CENPE: variants seen among roughly 807,000 people sequenced by gnomAD.
CENPE encodes the protein centromere-associated protein E.
Under a neutral mutation model 336.1 loss-of-function variants are expected in CENPE, and 145 were observed. The observed-to-expected ratio is 0.43, with a 90% CI of 0.38 to 0.50. CENPE has a LOEUF of 0.50. CENPE is among the 20% of genes least tolerant of loss of function. CENPE has a pLI of 0.00. For synonymous variants in CENPE, 1,013 were observed against 984.8 expected (o/e 1.03, Z -0.54); for missense variants, 2,719 against 3,023.3 (o/e 0.90, Z 2.36).
At chr4:103,173,661 T>C (rs974264751) in intron 16 of CENPE, among the ~76,000 whole-genome samples, 3 of 111,618 alleles carry the variant, frequency 2.7e-5, no homozygotes, top group Non-Finnish European at 6.5e-5. Flanking sequence ...ATCCAAAATA[T>C]ATAAGAAACT....
intron 16 of CENPE, among the ~76,000 whole-genome samples, chr4:103,169,620 TA>T (rs923897377): frequency 6.6e-6 from 1 of 151,940 alleles, no homozygotes; most frequent in South Asian, 2.1e-4. Flanking sequence ...CCAGGATCAT[TA>T]AAAAGTCAGG....
rs1014908276 is a variant in CENPE at position 103,141,118 on chromosome 4, T to C, written c.5464-14A>G. On this transcript the variant is annotated splice_polypyrimidine_tract_variant and intron_variant, in intron 35 of 48. Coordinates refer to ENST00000265148, the MANE Select transcript of CENPE (RefSeq NM_001813.3). ...AAGTTCTTGAATCTTAAGATAATCA[T>C]AAAATAATATGTTAGGTGGCTTTTT... 11 of 1,442,406 alleles carry C rather than the reference T, an allele frequency of 7.6e-6. No individual in the cohort carries two copies. In the African/African-American group the frequency reaches 1.0e-4, roughly 13 times the overall value. The allele number at this position is 1,442,406 out of a possible 1,614,324, so 89.4% of individuals were successfully genotyped here. A position where few individuals can be genotyped will look rare whatever the true frequency, so the allele number is the denominator to read the frequency against.
Position 103,158,781 on chromosome 4 carries a change from G to T in CENPE, c.2707C>A (p.Leu903Met). ...KEQLENRDST[L>M]QTVEREKTLI... is the part of the protein sequence containing the mutation. ...GTTTTCTCCCTTTCTACAGTTTGCA[G>T]CGTAGAATCTCTATTTTCTAATTGT... Residue 903 changes from leucine to methionine, a missense_variant, in exon 23 of 49, where the codon CTG (leucine) becomes ATG (methionine). Transcript: ENST00000265148. The T allele has an allele frequency of 6.2e-7, 1 of 1,613,076 alleles. No homozygotes were observed. The highest frequency in any genetic ancestry group is 1.1e-5 in the South Asian group (1 of 91,040).
intron 8 of CENPE, among the ~76,000 whole-genome samples, chr4:103,190,311 C>T (rs1317954546): frequency 6.6e-6 from 1 of 152,068 alleles, no homozygotes; most frequent in Non-Finnish European, 1.5e-5. Flanking sequence ...TCATATGGAA[C>T]CAAAAAAGAG....
intron 13 of CENPE, among the ~76,000 whole-genome samples, chr4:103,179,369 A>C (rs866169735): frequency 6.6e-6 from 1 of 152,198 alleles, no homozygotes; most frequent in South Asian, 2.1e-4. Context: ...AGGAGGTTTA[A>C]AACGCCCCTG....
intron 24 of CENPE, 101 bp downstream of exon 24, chr4:103,158,199 G>T: frequency 2.4e-6 from 2 of 827,458 alleles, no homozygotes; most frequent in Non-Finnish European, 3.5e-6. Flanking sequence ...TATTACCATT[G>T]TGAGTAACAA....
intron 16 of CENPE, among the ~76,000 whole-genome samples, chr4:103,173,166 G>C (rs1422665218): frequency 6.6e-6 from 1 of 151,712 alleles, no homozygotes; most frequent in East Asian, 1.9e-4. Context: ...ACAGACAACA[G>C]GCCAATAGAA....
chr4:103,115,939 G>A (rs1429316965), intron 45 of CENPE, among the ~76,000 whole-genome samples: 1 of 151,952 alleles, frequency 6.6e-6, no homozygotes, highest in Non-Finnish European at 1.5e-5. Flanking sequence ...CACCGTGTTA[G>A]CCAGGATGGT....
At position 103,195,247 on chromosome 4, in the gene CENPE, A is replaced by G. The variant is rs746396248; in HGVS notation, c.358-14T>C. The G allele has an allele frequency of 2.6e-6, 4 of 1,564,196 alleles. No homozygotes were observed. The East Asian group carries it at 9.2e-5, about 36-fold the overall frequency. On this transcript the variant is annotated splice_polypyrimidine_tract_variant and intron_variant, in intron 4 of 48. Coordinates refer to ENST00000265148, the MANE Select transcript of CENPE (RefSeq NM_001813.3). ...CCTATCAGGAAACTAGAAGAAAAAA[A>G]ATTATATAAAAACACCAGGAAGCAT...
intron 34 of CENPE, 73 bp downstream of exon 34, chr4:103,143,175 T>G (rs1752714693): frequency 1.9e-6 from 2 of 1,061,948 alleles, no homozygotes; most frequent in Non-Finnish European, 2.7e-6. Context: ...TTAGGGTAAT[T>G]CATATCTTGT....
chr4:103,158,672 T>C lies in CENPE; in HGVS notation c.2816A>G (p.Glu939Gly). ...QEKDDLKQLQESLQIERDQLK... is the reference protein window; with the variant it reads ...QEKDDLKQLQGSLQIERDQLK... The stretch of plus-strand genomic sequence containing the variant: ...TTGGTCCCTCTCAATTTGCAAGCTT[T>C]CTTGGAGTTGTTTTAGATCATCTTT... The change falls in exon 23 of 49, where the codon GAA becomes GGA. Residue 939 changes from glutamate (E) to glycine (G), a missense_variant. Around this residue, in one of 5 missense-constraint regions of CENPE, gnomAD observed 2,437 missense variants for 2,513.3 expected, o/e 0.97. Transcript: ENST00000265148. 6.2e-7 allele frequency: 1 copy of C among 1,611,702 alleles called. No homozygotes were observed. Among genetic ancestry groups the C allele is most frequent in the Non-Finnish European group, 8.5e-7 (1 of 1,179,128 alleles).
intron 17 of CENPE, 58 bp downstream of exon 17, chr4:103,163,421 G>A: frequency 3.0e-6 from 4 of 1,321,088 alleles, no homozygotes; most frequent in Non-Finnish European, 4.3e-6. Context: ...AGTTACATAT[G>A]TTGCATGTTT....
chr4:103,196,808 A>T lies in CENPE; in HGVS notation c.99T>A (p.Thr33=). ...CAACTTGATAAATGACATTATTGTC[A>T]GTTTTCCAGTAAACTTGGGCAGTTT... ...LGETAQVYWK[T]DNNVIYQVDG... Residue 33 remains threonine (T), a synonymous_variant, in exon 2 of 49, where the codon ACT becomes ACA. Coordinates refer to ENST00000265148, the MANE Select transcript of CENPE (RefSeq NM_001813.3). 6.2e-7 allele frequency: 1 copy of T among 1,601,060 alleles called. No homozygotes were observed. The highest frequency in any genetic ancestry group is 8.5e-7 in the Non-Finnish European group (1 of 1,169,892).
chr4:103,150,616 A>G lies in CENPE; in HGVS notation c.3396+603T>C, dbSNP rs1753463545. Among the ~76,000 whole-genome samples, 3 of 152,014 alleles carry G rather than the reference A, an allele frequency of 2.0e-5. No homozygotes were observed. The South Asian group carries it at 6.2e-4, about 32-fold the overall frequency. ...AAAAGGAGGAAAGAAAAAAGAAAAA[A>G]TATTCCACAGAATAATAACAGAACC... On this transcript the variant is annotated intron_variant, in intron 26 of 48. Transcript: ENST00000265148.
At chr4:103,167,622 C>G (rs1469891012) in intron 16 of CENPE, among the ~76,000 whole-genome samples, 2 of 152,154 alleles carry the variant, frequency 1.3e-5, no homozygotes, top group Non-Finnish European at 2.9e-5. Context: ...CTATTACAGA[C>G]AAGTCTTTTT....
intron 16 of CENPE, among the ~76,000 whole-genome samples, chr4:103,163,777 A>G (rs551504554): frequency 1.4e-5 from 2 of 146,342 alleles, no homozygotes; most frequent in African/African-American, 4.9e-5. Flanking sequence ...CAAATAAAAA[A>G]AAACCCCTCA....
intron 28 of CENPE, among the ~76,000 whole-genome samples, chr4:103,148,201 A>G (rs902180735): frequency 3.9e-5 from 6 of 152,202 alleles, no homozygotes; most frequent in Non-Finnish European, 7.3e-5. Context: ...TGAACCAATT[A>G]TACTTTGCTA....
intron 24 of CENPE, among the ~76,000 whole-genome samples, chr4:103,153,956 C>T (rs1753765074): frequency 6.6e-6 from 1 of 151,924 alleles, no homozygotes; most frequent in African/African-American, 2.4e-5. Flanking sequence ...ATTTTATATA[C>T]TGCTTAAGAA....
chr4:103,121,818 C>T (rs1391386605), intron 43 of CENPE, among the ~76,000 whole-genome samples: 4 of 152,120 alleles, frequency 2.6e-5, no homozygotes, highest in African/African-American at 9.7e-5. Flanking sequence ...ACCTTGGCCT[C>T]CCAAAGTACT....
Sources: gnomAD v4.1 joint callset for allele counts (sites outside exome capture counted in the v4.1 genomes callset) on GRCh38, gnomAD v4.1.1 for gene constraint, gnomAD v4.1.1 regional missense constraint, MANE v1.5 for transcripts, NCBI Gene and HGNC (gene_info 2026-07-23, HGNC 2026-07-21) for gene names.